The following PLD3 variants were observed in gnomAD, a reference collection of about 807,000 sequenced individuals.
The protein encoded by PLD3 is phospholipase D family member 3.
A neutral mutation model predicts 58.4 loss-of-function variants in PLD3; 31 were observed. That is an observed-to-expected ratio of 0.53 (90% CI 0.40 to 0.72). The LOEUF (loss-of-function observed/expected upper bound fraction) is 0.72. Among genes scored for constraint, PLD3 ranks in the 30% least tolerant of loss-of-function variants. The pLI is 0.00. For synonymous variants in PLD3, 264 were observed against 273.4 expected (o/e 0.97, Z 0.34); for missense variants, 595 against 659.8 (o/e 0.90, Z 1.08).
At position 40,348,775 on chromosome 19, in the gene PLD3, T is replaced by A. The variant is rs2145645802; in HGVS notation, c.-279+7T>A. 2.8e-6 allele frequency: 1 copy of A among 359,604 alleles called. No individual in the cohort carries two copies. Among genetic ancestry groups the A allele is most frequent in the East Asian group, 4.4e-5 (1 of 22,774 alleles). The allele number at this position is 359,604 out of a possible 1,614,324, so 22.3% of individuals were successfully genotyped here. On this transcript the variant is annotated splice_region_variant and intron_variant, in intron 1 of 12. Coordinates refer to ENST00000409735, the MANE Select transcript of PLD3 (RefSeq NM_012268.4). ...TGGGAGACGTGGAGTGCAGGTACTGTGCGATCTGGGGGCGCGGCGCCTCGG... is the reference window on the plus strand; with the variant it reads ...TGGGAGACGTGGAGTGCAGGTACTGAGCGATCTGGGGGCGCGGCGCCTCGG...
intron 9 of PLD3, 141 bp from the exon 10 acceptor site, chr19:40,374,340 G>T: frequency 1.2e-6 from 1 of 820,400 alleles, no homozygotes. Flanking sequence ...AATGGATGTG[G>T]TGATTGACCC....
In PLD3 at chr19:40,377,936, C is replaced by G. The variant is rs375887628; in HGVS notation, c.1286-50C>G. 3.7e-6 allele frequency: 6 copies of G among 1,612,300 alleles called. No homozygotes were observed. The African/African-American group carries it at 6.7e-5, about 18-fold the overall frequency. ...GCTGAAGAAGAGGGGGTTCAGACAC[C>G]AGGGGCGGCCCCCCGAGGGTGCCCT... is the stretch of plus-strand genomic sequence containing the variant. On this transcript the variant is annotated intron_variant, in intron 12 of 12. Coordinates refer to ENST00000409735, the MANE Select transcript of PLD3 (RefSeq NM_012268.4).
chr19:40,372,853 G>C (rs2079099521), intron 9 of PLD3, among the ~76,000 whole-genome samples: 1 of 152,054 alleles, frequency 6.6e-6, no homozygotes, highest in Non-Finnish European at 1.5e-5. Flanking sequence ...GCCTGGGCAA[G>C]AGGCTGTTGC....
intron 2 of PLD3, 101 bp from the exon 3 acceptor site, chr19:40,366,318 C>G: frequency 1.5e-6 from 1 of 679,698 alleles, no homozygotes; most frequent in Non-Finnish European, 2.7e-6. Flanking sequence ...TGCCAGTGGC[C>G]CCCATGATTA....
rs183725030 is a variant in PLD3 at position 40,348,720 on chromosome 19, G to T, written c.-327G>T. The T allele has an allele frequency of 3.6e-6, 2 of 553,834 alleles. No individual in the cohort carries two copies. The highest frequency in any genetic ancestry group is 4.0e-5 in the African/African-American group (2 of 49,946). The allele number at this position is 553,834 out of a possible 1,614,324, so 34.3% of individuals were successfully genotyped here. A position where few individuals can be genotyped will look rare whatever the true frequency, so the allele number is the denominator to read the frequency against. ...GGGCCGTCAGGCGGGGATACAGCCT[G>T]GAAGGTGCGTGTGGGGCTGGGTCTC... On this transcript the variant is annotated 5_prime_UTR_variant, in exon 1 of 13. Coordinates refer to ENST00000409735, the MANE Select transcript of PLD3 (RefSeq NM_012268.4).
At chr19:40,351,987 C>A (rs370176939) in intron 1 of PLD3, among the ~76,000 whole-genome samples, 1 of 152,052 alleles carries the variant, frequency 6.6e-6, no homozygotes, top group African/African-American at 2.4e-5. Flanking sequence ...TGTCAAAGAT[C>A]GAGACCGGGC....
chr19:40,367,180 G>A, intron 5 of PLD3: 3 of 467,140 alleles, frequency 6.4e-6, no homozygotes, highest in South Asian at 7.4e-5. Context: ...CTCAATACAC[G>A]ACCTTCCTTC....
At chr19:40,375,794 C>T (rs969586008) in intron 10 of PLD3, among the ~76,000 whole-genome samples, 1 of 152,104 alleles carries the variant, frequency 6.6e-6, no homozygotes, top group East Asian at 1.9e-4. Context: ...CATGGTGGCT[C>T]ACGCCTGTAA....
At chr19:40,362,097 A>G (rs1265254136) in intron 1 of PLD3, among the ~76,000 whole-genome samples, 2 of 152,210 alleles carry the variant, frequency 1.3e-5, no homozygotes, top group East Asian at 3.9e-4. Context: ...TCGGCCCCCC[A>G]AAGTGCTGGC....
chr19:40,374,889 C>T (rs1195407239), intron 10 of PLD3: 1 of 462,932 alleles, frequency 2.2e-6, no homozygotes, highest in Non-Finnish European at 3.9e-6. Flanking sequence ...GGCGTGGTGG[C>T]TCACGCCTGT....
At chr19:40,354,232 C>G (rs1600259821) in intron 1 of PLD3, among the ~76,000 whole-genome samples, 1 of 152,066 alleles carries the variant, frequency 6.6e-6, no homozygotes, top group South Asian at 2.1e-4. Context: ...TGCCACCAGG[C>G]CCGGCTAATT....
chr19:40,368,922 C>T (rs2078996036), intron 6 of PLD3, among the ~76,000 whole-genome samples: 1 of 151,466 alleles, frequency 6.6e-6, no homozygotes, highest in African/African-American at 2.4e-5. Flanking sequence ...AAGACCCTGT[C>T]TCAAAAAAAA....
At chr19:40,361,491 C>G (rs558451290) in intron 1 of PLD3, among the ~76,000 whole-genome samples, 5 of 152,300 alleles carry the variant, frequency 3.3e-5, no homozygotes, top group Admixed American at 1.3e-4. Context: ...CCCTGTTCTA[C>G]TCATCACAGT....
At chr19:40,349,251 C>T (rs1178427805) in intron 1 of PLD3, among the ~76,000 whole-genome samples, 1 of 152,114 alleles carries the variant, frequency 6.6e-6, no homozygotes, top group East Asian at 1.9e-4. Flanking sequence ...CTTCTTAAAT[C>T]GCGCTAATGC....
intron 1 of PLD3, among the ~76,000 whole-genome samples, chr19:40,363,476 G>A (rs1230501161): frequency 6.6e-6 from 1 of 152,192 alleles, no homozygotes; most frequent in Admixed American, 6.5e-5. Flanking sequence ...TTTAACCCAG[G>A]CTGGAGTGCA....
chr19:40,372,453 C>T (rs1036201121), intron 9 of PLD3, among the ~76,000 whole-genome samples: 2 of 151,826 alleles, frequency 1.3e-5, no homozygotes, highest in Non-Finnish European at 2.9e-5. Context: ...GCCATGATCA[C>T]ACCACTGTAC....
intron 5 of PLD3, chr19:40,367,486 C>T (rs890449345): frequency 2.2e-5 from 11 of 495,330 alleles, no homozygotes; most frequent in African/African-American, 1.5e-4. Context: ...GAGGTTGAGG[C>T]GGGAGGATCG....
intron 8 of PLD3, among the ~76,000 whole-genome samples, chr19:40,371,132 G>A (rs2079057504): frequency 6.6e-6 from 1 of 152,220 alleles, no homozygotes. Flanking sequence ...AACAGCTTGG[G>A]CAATGAGGTG....
chr19:40,354,365 C>A (rs2078600425), intron 1 of PLD3, among the ~76,000 whole-genome samples: 1 of 151,762 alleles, frequency 6.6e-6, no homozygotes, highest in African/African-American at 2.4e-5. Context: ...AGCCACCACG[C>A]CTGGCCTAGG....
Sources: gnomAD v4.1 joint callset for allele counts (sites outside exome capture counted in the v4.1 genomes callset) on GRCh38, gnomAD v4.1.1 for gene constraint, MANE v1.5 for transcripts, NCBI Gene and HGNC (gene_info 2026-07-23, HGNC 2026-07-21) for gene names.